The following IL4R variants were observed in gnomAD, a reference collection of about 807,000 sequenced individuals.
IL4R encodes interleukin-4 receptor subunit alpha.
Under a neutral mutation model 41.5 loss-of-function variants are expected in IL4R, and 17 were observed. The observed-to-expected ratio is 0.41, with a 90% CI of 0.28 to 0.61. The LOEUF is 0.61. Ranked by LOEUF, IL4R falls within the 20% of genes least tolerant of loss-of-function variation. The pLI, the probability that IL4R is intolerant of heterozygous loss-of-function variation, is 0.31. For synonymous variants in IL4R, 402 were observed against 422.9 expected (o/e 0.95, Z 0.61); for missense variants, 974 against 1,043.1 (o/e 0.93, Z 0.91).
chr16:27,323,495 G>T (rs149383087), intron 1 of IL4R, among the ~76,000 whole-genome samples: 2 of 152,206 alleles, frequency 1.3e-5, no homozygotes, highest in African/African-American at 4.8e-5. Context: ...AAAGGCCTGG[G>T]TTCAAATCCC....
chr16:27,332,912 C>A (rs894880674), intron 2 of IL4R, among the ~76,000 whole-genome samples: 9 of 151,816 alleles, frequency 5.9e-5, no homozygotes, highest in African/African-American at 1.9e-4. Flanking sequence ...CTTGTGATTT[C>A]TTCTTTGATC....
chr16:27,361,766 A>G (rs1408277700), intron 10 of IL4R, among the ~76,000 whole-genome samples: 1 of 151,510 alleles, frequency 6.6e-6, no homozygotes, highest in Non-Finnish European at 1.5e-5. Context: ...CAACATGCCC[A>G]GCTAATTTTC....
chr16:27,343,181 CTGG>C (rs1219333097), intron 4 of IL4R, among the ~76,000 whole-genome samples: 6 of 152,154 alleles, frequency 3.9e-5, no homozygotes, highest in Admixed American at 2.0e-4. Context: ...ACGGGGCAGA[CTGG>C]GGATATACGG....
At position 27,363,818 on chromosome 16, in the gene IL4R, G is replaced by A. The variant is rs768558701; in HGVS notation, c.2466G>A (p.Met822Ile). 10 of 1,602,906 alleles carry A rather than the reference G, an allele frequency of 6.2e-6. No homozygotes were observed. The highest frequency in any genetic ancestry group is 8.5e-6 in the Non-Finnish European group (10 of 1,179,522). Residue 822 changes from methionine (M) to isoleucine (I), a missense_variant, in exon 11 of 11, where the codon ATG becomes ATA. Met to Ile is a conservative substitution (Grantham distance 10, BLOSUM62 1). Transcript: ENST00000395762. ...VNFVSVGPTY[M>I]RVS Reference sequence around the variant, plus strand: ...TTGTCTCCGTGGGACCCACATACATGAGGGTCTCTTAGGTGCATGTCCTCT... The same window carrying A: ...TTGTCTCCGTGGGACCCACATACATAAGGGTCTCTTAGGTGCATGTCCTCT...
intron 1 of IL4R, among the ~76,000 whole-genome samples, chr16:27,314,971 G>C (rs1436826465): frequency 6.6e-6 from 1 of 152,094 alleles, no homozygotes; most frequent in East Asian, 1.9e-4. Flanking sequence ...ACTGAGCCCT[G>C]ATTTTTTTTT....
intron 7 of IL4R, 82 bp from the exon 8 acceptor site, chr16:27,355,726 C>A: frequency 1.0e-6 from 1 of 953,738 alleles, no homozygotes; most frequent in Non-Finnish European, 1.7e-6. Flanking sequence ...AGGGTCCTGA[C>A]CCTGGGTCTC....
At chr16:27,362,158 A>C in intron 10 of IL4R, 94 bp from the exon 11 acceptor site, 1 of 1,216,854 alleles carries the variant, frequency 8.2e-7, no homozygotes, top group Admixed American at 1.9e-5. Context: ...GTAGACAGCC[A>C]TCAGGACATG....
chr16:27,323,249 A>G lies in IL4R; in HGVS notation c.-151-6817A>G, dbSNP rs142606947. On this transcript the variant is annotated intron_variant, in intron 1 of 10. Coordinates refer to ENST00000395762, the MANE Select transcript of IL4R (RefSeq NM_000418.4). ...TTCACTGCTGCTGAGGGCCGAGCAAATGGTGACAAAGGCCAGATTCTAAAT... is the reference window on the plus strand; with the variant it reads ...TTCACTGCTGCTGAGGGCCGAGCAAGTGGTGACAAAGGCCAGATTCTAAAT... Among the ~76,000 whole-genome samples, 54 of 152,306 alleles carry G rather than the reference A, an allele frequency of 3.5e-4. No individual in the cohort carries two copies. The East Asian group carries it at 8.1e-3, about 23-fold the overall frequency.
chr16:27,362,163 G>A, intron 10 of IL4R, 89 bp from the exon 11 acceptor site: 1 of 1,274,738 alleles, frequency 7.8e-7, no homozygotes, highest in South Asian at 1.3e-5. Flanking sequence ...CAGCCATCAG[G>A]ACATGGTGAT....
intron 1 of IL4R, among the ~76,000 whole-genome samples, chr16:27,327,484 T>G (rs1022220507): frequency 6.6e-6 from 1 of 152,168 alleles, no homozygotes; most frequent in African/African-American, 2.4e-5. Context: ...CCCAGGCCCA[T>G]GCTTCTGCTC....
At chr16:27,342,331 C>G in intron 4 of IL4R, 72 bp downstream of exon 4, 3 of 1,578,194 alleles carry the variant, frequency 1.9e-6, no homozygotes, top group Non-Finnish European at 2.6e-6. Context: ...TGAGCTGGGT[C>G]CAGGTGGTGC....
rs55670866 is a variant in IL4R at position 27,329,192 on chromosome 16, C to G, written c.-151-874C>G. Among the ~76,000 whole-genome samples the G allele has an allele frequency of 3.2e-3, 485 of 152,182 alleles. 2 individuals carry two copies. Among genetic ancestry groups the G allele is most frequent in the Non-Finnish European group, 5.0e-3 (338 of 67,990 alleles). On this transcript the variant is annotated intron_variant, in intron 1 of 10. Transcript: ENST00000395762. ...TGTACGCCTGCTCCCCTCTTGCCTT[C>G]CCCGTGAATAAAAGCTCCCTGAGGC...
Position 27,360,748 on chromosome 16 carries a change from G to C in IL4R, c.850-18G>C. The C allele has an allele frequency of 6.2e-7, 1 of 1,614,046 alleles. No homozygotes were observed. The highest frequency in any genetic ancestry group is 8.5e-7 in the Non-Finnish European group (1 of 1,180,026). On this transcript the variant is annotated intron_variant, in intron 9 of 10. Transcript: ENST00000395762. ...GCAAGGCCACTCTGCTCTTTCATTGGCTGTCTCTGTATTTTAGGGGTCACA... is the reference window on the plus strand; with the variant it reads ...GCAAGGCCACTCTGCTCTTTCATTGCCTGTCTCTGTATTTTAGGGGTCACA...
chr16:27,341,047 A>G, intron 3 of IL4R: 1 of 646,960 alleles, frequency 1.5e-6, no homozygotes, highest in Non-Finnish European at 2.9e-6. Flanking sequence ...CAGAGGATCC[A>G]TATCATCCAT....
In IL4R at chr16:27,322,334, G is replaced by A. The variant is rs185408594; in HGVS notation, c.-151-7732G>A. 6.9e-3 allele frequency among the ~76,000 whole-genome samples: 1,051 copies of A among 152,120 alleles called. 8 individuals are homozygous for A. The highest frequency in any genetic ancestry group is 0.024 in the African/African-American group (1,007 of 41,496). On this transcript the variant is annotated intron_variant, in intron 1 of 10. Coordinates refer to ENST00000395762, the MANE Select transcript of IL4R (RefSeq NM_000418.4). ...TGGGACTACAGATGTGCACTACCAC[G>A]CCTAGCTGATGTTTGTGTTTTTTGT...
At chr16:27,329,668 C>T (rs1339972538) in intron 1 of IL4R, among the ~76,000 whole-genome samples, 1 of 133,556 alleles carries the variant, frequency 7.5e-6, no homozygotes. Flanking sequence ...CAGAGCAAAC[C>T]TCCGTCTCAA....
At chr16:27,331,050 C>T (rs1020226544) in intron 2 of IL4R, among the ~76,000 whole-genome samples, 2 of 148,926 alleles carry the variant, frequency 1.3e-5, no homozygotes, top group African/African-American at 2.5e-5. Context: ...CTGCCCACAT[C>T]CCCCCAGACT....
rs141228265 is a variant in IL4R, at chr16:27,344,758, A to AT, written c.210-110dup. ...CCCCAGATCTGTCCTCACATCCGTG[A>AT]TCGGGAAGCTGGAAGAGTCTGATGC... On this transcript the variant is annotated intron_variant, in intron 4 of 10. Coordinates refer to ENST00000395762, the MANE Select transcript of IL4R (RefSeq NM_000418.4). The AT allele has an allele frequency of 2.2e-4, 252 of 1,136,140 alleles. 1 individual carries two copies. In the African/African-American group the frequency reaches 3.3e-3, roughly 15 times the overall value. 70.4% of individuals were successfully genotyped at this position (1,136,140 alleles called of 1,614,324 possible). A position where few individuals can be genotyped will look rare whatever the true frequency, so the allele number is the denominator to read the frequency against.
chr16:27,343,637 A>G (rs1230555781), intron 4 of IL4R, among the ~76,000 whole-genome samples: 1 of 152,150 alleles, frequency 6.6e-6, no homozygotes, highest in Non-Finnish European at 1.5e-5. Context: ...CATGTTGGCC[A>G]AGCTGGTCTC....
Sources: gnomAD v4.1 joint callset for allele counts (sites outside exome capture counted in the v4.1 genomes callset) on GRCh38, gnomAD v4.1.1 for gene constraint, MANE v1.5 for transcripts, NCBI Gene and HGNC (gene_info 2026-07-23, HGNC 2026-07-21) for gene names.